Variants in TENM1 observed in about 807,000 individuals in gnomAD.
TENM1 encodes the protein teneurin transmembrane protein 1.
In TENM1, 35 loss-of-function variants were observed where a neutral mutation model predicts 174.8. The observed-to-expected ratio is 0.20, with a 90% CI of 0.15 to 0.27. The LOEUF (loss-of-function observed/expected upper bound fraction) is 0.27, where lower values mean the gene tolerates loss of function less well. Ranked by LOEUF, TENM1 falls within the 10% of genes least tolerant of loss-of-function variation. The pLI, the probability that TENM1 is intolerant of heterozygous loss-of-function variation, is 1.00. For missense variants in TENM1, 1,633 were observed against 2,130.1 expected (o/e 0.77, Z 4.59); for synonymous variants, 781 against 798.7 (o/e 0.98, Z 0.37).
chrX:124,417,657 C>T (rs1291624233), intron 25 of TENM1, among the ~76,000 whole-genome samples: 1 of 110,458 alleles, frequency 9.1e-6, no homozygotes, highest in East Asian at 2.8e-4. Context: ...TCAAATTTCA[C>T]TCTCCACCCT....
chrX:124,775,230 C>T (rs1017297802), intron 3 of TENM1, among the ~76,000 whole-genome samples: 2 of 105,471 alleles, frequency 1.9e-5, no homozygotes, highest in East Asian at 3.0e-4. Context: ...TGCTTGAACC[C>T]GGGAGGCGGA....
intron 1 of TENM1, among the ~76,000 whole-genome samples, chrX:124,918,241 A>G (rs1474408703): frequency 2.8e-5 from 3 of 108,780 alleles, no homozygotes; most frequent in Non-Finnish European, 3.8e-5. Context: ...GTGCAGTGGC[A>G]TGATCTCGAC....
chrX:124,957,187 A>G (rs1406283069), intron 1 of TENM1, among the ~76,000 whole-genome samples: 1 of 104,752 alleles, frequency 9.5e-6, no homozygotes, highest in Non-Finnish European at 1.9e-5. Context: ...GAACAAATGG[A>G]CGGATGGATA....
At chrX:125,147,046 CTGTG>C in the TENM1 span, among the ~76,000 whole-genome samples, 852 of 108,994 alleles carry the variant, frequency 7.8e-3, 16 homozygotes, top group African/African-American at 0.027. Flanking sequence ...ATACATGTGT[CTGTG>C]TGTGTATATA....
At chrX:124,409,785 TA>T (rs1186126638) in intron 25 of TENM1, among the ~76,000 whole-genome samples, 1 of 107,930 alleles carries the variant, frequency 9.3e-6, no homozygotes, top group Non-Finnish European at 1.9e-5. Flanking sequence ...TCAAAGAGAA[TA>T]AAATACCTAG....
intron 3 of TENM1, among the ~76,000 whole-genome samples, chrX:124,745,743 C>T (rs2053901883): frequency 9.0e-6 from 1 of 111,221 alleles, no homozygotes; most frequent in South Asian, 3.8e-4. Context: ...TTATCTTTCC[C>T]CTCTGAACGA....
intron 11 of TENM1, among the ~76,000 whole-genome samples, chrX:124,575,533 C>A (rs972401287): frequency 3.6e-5 from 4 of 111,847 alleles, no homozygotes; most frequent in African/African-American, 1.3e-4. Flanking sequence ...GAACAAAAAT[C>A]CCAAGGAATC....
rs530075669 is a variant in TENM1, at chrX:124,837,335, C to T, written c.535+56961G>A. ...AACTCCTAACTTCAGGTGATCCACC[C>T]GACTCGGCCTCCCAAAGTGTTGGGA... is the stretch of plus-strand genomic sequence containing the variant. On this transcript the variant is annotated intron_variant, in intron 3 of 31. Coordinates refer to ENST00000422452, the Ensembl canonical transcript of TENM1. 1.5e-4 allele frequency among the ~76,000 whole-genome samples: 17 copies of T among 112,084 alleles called. 1 individual carries two copies. Among genetic ancestry groups the T allele is most frequent in the Middle Eastern group, 9.3e-3 (2 of 214 alleles).
In TENM1 at chrX:124,793,355, G is replaced by T. The variant is rs773629292; in HGVS notation, c.536-56158C>A. On this transcript the variant is annotated intron_variant, in intron 3 of 31. Coordinates refer to ENST00000422452, the Ensembl canonical transcript of TENM1. Reference sequence around the variant, plus strand: ...ACAAAATCACAGAATATGTAGACTGGAAGCAGGTATCTTAATATTATACAA... The same window carrying T: ...ACAAAATCACAGAATATGTAGACTGTAAGCAGGTATCTTAATATTATACAA... Among the ~76,000 whole-genome samples, 4 of 111,496 alleles carry T rather than the reference G, an allele frequency of 3.6e-5. No homozygotes were observed. The East Asian group carries it at 8.4e-4, about 23-fold the overall frequency.
intron 11 of TENM1, among the ~76,000 whole-genome samples, chrX:124,611,189 G>C (rs1416558679): frequency 8.9e-6 from 1 of 111,969 alleles, no homozygotes; most frequent in Non-Finnish European, 1.9e-5. Context: ...TGTCATCTCA[G>C]CATGAAGCTT....
intron 3 of TENM1, among the ~76,000 whole-genome samples, chrX:124,758,244 T>G (rs2054317177): frequency 8.9e-6 from 1 of 112,047 alleles, no homozygotes; most frequent in African/African-American, 3.2e-5. Flanking sequence ...ATAGATATCT[T>G]TCTAAAGAAG....
At chrX:124,782,789 C>T (rs949035150) in intron 3 of TENM1, among the ~76,000 whole-genome samples, 3 of 110,998 alleles carry the variant, frequency 2.7e-5, no homozygotes, top group Admixed American at 1.9e-4. Flanking sequence ...TCCTTATAAC[C>T]TCCGAGACTC....
chrX:124,944,575 G>A (rs2058375300), intron 1 of TENM1, among the ~76,000 whole-genome samples: 1 of 110,519 alleles, frequency 9.0e-6, no homozygotes, highest in African/African-American at 3.3e-5. Context: ...AGATAATTAT[G>A]TGCCAGACAT....
chrX:124,782,779 T>C (rs908222121), intron 3 of TENM1, among the ~76,000 whole-genome samples: 3 of 111,286 alleles, frequency 2.7e-5, no homozygotes, highest in African/African-American at 9.8e-5. Context: ...ATCCTATTCA[T>C]CCTTATAACC....
chrX:124,745,631 TG>T (rs938859705), intron 3 of TENM1, among the ~76,000 whole-genome samples: 1 of 110,993 alleles, frequency 9.0e-6, no homozygotes, highest in Non-Finnish European at 1.9e-5. Context: ...TGATAGGAAT[TG>T]GGTACAACTC....
At chrX:124,722,726 G>T (rs1274350076) in intron 4 of TENM1, among the ~76,000 whole-genome samples, 1 of 107,412 alleles carries the variant, frequency 9.3e-6, no homozygotes, top group East Asian at 3.0e-4. Flanking sequence ...TGTAGTCCCA[G>T]CTACTTGGGA....
the TENM1 span, among the ~76,000 whole-genome samples, chrX:125,132,561 C>T: frequency 1.8e-5 from 2 of 111,966 alleles, no homozygotes; most frequent in Non-Finnish European, 1.9e-5. Context: ...ACGCTGATAA[C>T]GGTGATAACT....
At chrX:124,439,578 T>C (rs2060881702) in intron 23 of TENM1, among the ~76,000 whole-genome samples, 1 of 111,670 alleles carries the variant, frequency 9.0e-6, no homozygotes, top group Non-Finnish European at 1.9e-5. Flanking sequence ...CTCTGGAACA[T>C]GTTTGCTACA....
chrX:124,419,771 T>G (rs758470072), intron 25 of TENM1, among the ~76,000 whole-genome samples: 47 of 112,061 alleles, frequency 4.2e-4, no homozygotes, highest in African/African-American at 1.3e-3. Context: ...GCCTCTCCTA[T>G]TCAGCATTTG....
Sources: allele counts gnomAD v4.1 joint callset (sites outside exome capture counted in the v4.1 genomes callset), GRCh38; gene constraint gnomAD v4.1.1; transcripts MANE v1.5; gene names NCBI Gene and HGNC (gene_info 2026-07-23, HGNC 2026-07-21).